ADAMTSL1: variants seen among roughly 807,000 people sequenced by gnomAD.
ADAMTSL1 encodes ADAMTS like 1.
ADAMTSL1 carries 126 observed loss-of-function variants against 201.8 expected under a neutral mutation model. That is an observed-to-expected ratio of 0.62 (90% CI 0.54 to 0.72). The LOEUF (loss-of-function observed/expected upper bound fraction) is 0.72. Ranked by LOEUF, ADAMTSL1 falls within the 30% of genes least tolerant of loss-of-function variation. The probability of loss-of-function intolerance (pLI) is 0.00; values close to 1 mark genes in which losing one functional copy is unlikely to be tolerated. For synonymous variants in ADAMTSL1, 1,121 were observed against 903.4 expected (o/e 1.24, Z -4.32); for missense variants, 2,679 against 2,277.8 (o/e 1.18, Z -3.59).
intron 1 of ADAMTSL1, among the ~76,000 whole-genome samples, chr9:18,132,607 G>A (rs11792652): frequency 0.18 from 27,646 of 152,096 alleles, 2,567 homozygotes; most frequent in Middle Eastern, 0.24. Context: ...CTTCCAGATT[G>A]TATCACACTT....
chr9:18,487,683 G>T (rs1158815781), intron 1 of ADAMTSL1, among the ~76,000 whole-genome samples: 1 of 152,100 alleles, frequency 6.6e-6, no homozygotes, highest in Non-Finnish European at 1.5e-5. Flanking sequence ...AAACCTAAAA[G>T]GTGTTATGAA....
chr9:18,230,748 T>C (rs1830618235), intron 2 of ADAMTSL1, among the ~76,000 whole-genome samples: 1 of 152,198 alleles, frequency 6.6e-6, no homozygotes, highest in African/African-American at 2.4e-5. Context: ...TTATAATTAA[T>C]TAATTAATTA....
chr9:18,203,634 G>T (rs948028272), intron 2 of ADAMTSL1, among the ~76,000 whole-genome samples: 3 of 152,034 alleles, frequency 2.0e-5, no homozygotes, highest in Non-Finnish European at 4.4e-5. Flanking sequence ...TATTCACAAA[G>T]GATTTGAGGC....
At chr9:18,259,623 C>G (rs562321202) in intron 2 of ADAMTSL1, among the ~76,000 whole-genome samples, 2 of 152,232 alleles carry the variant, frequency 1.3e-5, no homozygotes, top group Non-Finnish European at 2.9e-5. Flanking sequence ...CTGCTCCCCT[C>G]TCCCCCCATC....
At chr9:18,205,605 G>A (rs976193119) in intron 2 of ADAMTSL1, among the ~76,000 whole-genome samples, 3 of 152,196 alleles carry the variant, frequency 2.0e-5, no homozygotes, top group Middle Eastern at 3.4e-3. Flanking sequence ...CGAAAAGCAA[G>A]CTAGGTCTCT....
At chr9:17,974,244 AG>A (rs1222999041) in intron 1 of ADAMTSL1, among the ~76,000 whole-genome samples, 4 of 152,160 alleles carry the variant, frequency 2.6e-5, no homozygotes, top group Admixed American at 2.0e-4. Flanking sequence ...AGTTCTGGCC[AG>A]GGCAATCAGG....
chr9:18,285,400 T>C (rs1349041023), intron 2 of ADAMTSL1, among the ~76,000 whole-genome samples: 39 of 152,132 alleles, frequency 2.6e-4, no homozygotes, highest in Non-Finnish European at 1.5e-4. Flanking sequence ...AGAGAGTCAA[T>C]AATTTGTCTA....
At chr9:18,765,202 A>T (rs1233267505) in intron 16 of ADAMTSL1, among the ~76,000 whole-genome samples, 2 of 152,184 alleles carry the variant, frequency 1.3e-5, no homozygotes, top group Non-Finnish European at 2.9e-5. Flanking sequence ...ATATTTAGAA[A>T]AAAGAAAACT....
chr9:18,498,667 C>A (rs890409555), intron 1 of ADAMTSL1, among the ~76,000 whole-genome samples: 1 of 152,120 alleles, frequency 6.6e-6, no homozygotes, highest in Admixed American at 6.6e-5. Flanking sequence ...TCTGGCTTAA[C>A]GAGATCTGAC....
At chr9:18,348,745 C>T (rs922789754) in intron 2 of ADAMTSL1, among the ~76,000 whole-genome samples, 3 of 152,056 alleles carry the variant, frequency 2.0e-5, no homozygotes, top group Non-Finnish European at 4.4e-5. Context: ...GGTGAGAATC[C>T]AGATCTTTAC....
chr9:17,965,408 T>C (rs1189398316), intron 1 of ADAMTSL1, among the ~76,000 whole-genome samples: 1 of 152,166 alleles, frequency 6.6e-6, no homozygotes, highest in Non-Finnish European at 1.5e-5. Context: ...GCAGGCATAT[T>C]GATTTCATTC....
At chr9:18,006,071 GAAC>G (rs1158767226) in intron 1 of ADAMTSL1, among the ~76,000 whole-genome samples, 2 of 151,340 alleles carry the variant, frequency 1.3e-5, no homozygotes, top group Admixed American at 6.6e-5. Flanking sequence ...TGGTAAATTT[GAAC>G]AACCACCACT....
chr9:18,168,493 T>C (rs1827736530), intron 2 of ADAMTSL1, among the ~76,000 whole-genome samples: 1 of 152,046 alleles, frequency 6.6e-6, no homozygotes, highest in Non-Finnish European at 1.5e-5. Flanking sequence ...CCATGGTATA[T>C]ATGTGCCACA....
intron 13 of ADAMTSL1, among the ~76,000 whole-genome samples, chr9:18,691,303 T>A (rs924823633): frequency 3.3e-5 from 5 of 152,168 alleles, no homozygotes; most frequent in Admixed American, 6.6e-5. Flanking sequence ...AAGAATACAA[T>A]GTATACATTG....
chr9:18,794,384 G>A (rs1822238248), intron 19 of ADAMTSL1, among the ~76,000 whole-genome samples: 1 of 147,280 alleles, frequency 6.8e-6, no homozygotes, highest in Admixed American at 6.8e-5. Flanking sequence ...ACTCGTGGGT[G>A]ACAGAGCAAG....
At chr9:18,277,682 C>G (rs558628790) in intron 2 of ADAMTSL1, among the ~76,000 whole-genome samples, 29 of 152,136 alleles carry the variant, frequency 1.9e-4, no homozygotes, top group Non-Finnish European at 3.4e-4. Context: ...TAAAGTGAGT[C>G]TCTTGTAGGC....
At chr9:18,176,035 GCAAA>G (rs1182055335) in intron 2 of ADAMTSL1, among the ~76,000 whole-genome samples, 2 of 129,062 alleles carry the variant, frequency 1.5e-5, no homozygotes, top group Non-Finnish European at 3.4e-5. Context: ...AAAAAAAAAG[GCAAA>G]CAAAGGTTTC....
intron 2 of ADAMTSL1, among the ~76,000 whole-genome samples, chr9:18,164,927 AT>A (rs897099022): frequency 5.7e-4 from 86 of 151,668 alleles, no homozygotes; most frequent in African/African-American, 2.0e-3. Flanking sequence ...TGTCATTTAC[AT>A]TTTTTTCATG....
chr9:18,824,180 A>AT (rs5896809), intron 21 of ADAMTSL1, among the ~76,000 whole-genome samples: 100,603 of 149,708 alleles, frequency 0.67, 34,116 homozygotes, highest in Non-Finnish European at 0.73. Flanking sequence ...AATGCCGTGG[A>AT]TTTTTTTTTT....
Sources: allele counts gnomAD v4.1 joint callset (sites outside exome capture counted in the v4.1 genomes callset), GRCh38; gene constraint gnomAD v4.1.1; transcripts MANE v1.5; gene names NCBI Gene and HGNC (gene_info 2026-07-23, HGNC 2026-07-21).